The following NAALADL2 variants were observed in gnomAD, a reference collection of about 807,000 sequenced individuals.
The protein encoded by NAALADL2 is inactive N-acetylated-alpha-linked acidic dipeptidase-like protein 2.
Under a neutral mutation model 87.2 loss-of-function variants are expected in NAALADL2, and 76 were observed. The ratio of observed to expected loss-of-function variants is 0.87; its 90% CI spans 0.72 to 1.05. The LOEUF (loss-of-function observed/expected upper bound fraction) is 1.05. Among genes scored for constraint, NAALADL2 ranks in the 50% least tolerant of loss-of-function variants. The pLI, the probability that NAALADL2 is intolerant of heterozygous loss-of-function variation, is 0.00. For missense variants in NAALADL2, 1,089 were observed against 945.8 expected, an observed-to-expected ratio of 1.15 and a Z score of -1.99; for synonymous variants, 354 against 331.0, an observed-to-expected ratio of 1.07 and a Z score of -0.75.
chr3:175,200,725 G>A (rs547500445), intron 2 of NAALADL2, among the ~76,000 whole-genome samples: 2 of 152,150 alleles, frequency 1.3e-5, no homozygotes, highest in South Asian at 2.1e-4. Context: ...CATGAATTGG[G>A]CTTTAACATT....
At chr3:174,933,285 C>T (rs1247163539) in intron 1 of NAALADL2, among the ~76,000 whole-genome samples, 2 of 152,102 alleles carry the variant, frequency 1.3e-5, no homozygotes, top group African/African-American at 4.8e-5. Flanking sequence ...CTTTTCCTAC[C>T]ACAGTGTAGA....
chr3:175,309,580 A>T (rs565860716), intron 4 of NAALADL2, among the ~76,000 whole-genome samples: 1 of 152,098 alleles, frequency 6.6e-6, no homozygotes, highest in Non-Finnish European at 1.5e-5. Flanking sequence ...GAAGACCTTA[A>T]AGAAACTTTT....
rs1386942189 is a variant in NAALADL2 at position 175,245,421 on chromosome 3, G to A, written c.820-10990G>A. On this transcript the variant is annotated intron_variant, in intron 3 of 13. Coordinates refer to ENST00000454872, the MANE Select transcript of NAALADL2 (RefSeq NM_207015.3). Reference sequence around the variant, plus strand: ...TATGGAAATGAAATCCTGACAAAACGGTTTTGCTTTAGCCAAATTTCTATC... The same window carrying A: ...TATGGAAATGAAATCCTGACAAAACAGTTTTGCTTTAGCCAAATTTCTATC... 2.6e-5 allele frequency among the ~76,000 whole-genome samples: 4 copies of A among 152,106 alleles called. No homozygotes were observed. The East Asian group carries it at 7.7e-4, about 29-fold the overall frequency.
In NAALADL2 at chr3:174,918,199, T is replaced by C. The variant is rs1315255921; in HGVS notation, c.43+58749T>C. ...CACTTGTAATTGCATCTAATAATTT[T>C]ATAAGTTGAGTTTAGGGAGGTTATT... On this transcript the variant is annotated intron_variant, in intron 1 of 13. Transcript: ENST00000454872. 2.0e-5 allele frequency among the ~76,000 whole-genome samples: 3 copies of C among 152,204 alleles called. No individual in the cohort carries two copies. In the South Asian group the frequency reaches 6.2e-4, roughly 32 times the overall value.
At chr3:175,193,678 A>C (rs1227587881) in intron 2 of NAALADL2, among the ~76,000 whole-genome samples, 1 of 151,944 alleles carries the variant, frequency 6.6e-6, no homozygotes, top group Non-Finnish European at 1.5e-5. Flanking sequence ...AACAAAAAAC[A>C]AAAACAAAAC....
chr3:175,656,170 A>G (rs902333776), intron 11 of NAALADL2, among the ~76,000 whole-genome samples: 36 of 152,214 alleles, frequency 2.4e-4, no homozygotes, highest in Admixed American at 2.6e-4. Flanking sequence ...ATATTGGATA[A>G]CGAAATTTGT....
intron 13 of NAALADL2, among the ~76,000 whole-genome samples, chr3:175,767,210 A>G (rs1300235000): frequency 6.6e-6 from 1 of 151,206 alleles, no homozygotes; most frequent in East Asian, 1.9e-4. Context: ...TTTTTAACTG[A>G]TTAAAAAAAA....
chr3:174,736,102 T>C (rs1033007949), intron 2 of NAALADL2, among the ~76,000 whole-genome samples: 2 of 152,132 alleles, frequency 1.3e-5, no homozygotes, highest in Non-Finnish European at 1.5e-5. Context: ...AACATGGTGA[T>C]GCCTGGAAGC....
intron 1 of NAALADL2, among the ~76,000 whole-genome samples, chr3:175,001,610 T>C (rs1352366001): frequency 6.6e-6 from 1 of 152,064 alleles, no homozygotes; most frequent in Non-Finnish European, 1.5e-5. Flanking sequence ...ATCTGTTCAT[T>C]CCTTGTTTTT....
intron 5 of NAALADL2, among the ~76,000 whole-genome samples, chr3:175,366,272 G>C (rs892568208): frequency 6.6e-6 from 1 of 150,680 alleles, no homozygotes; most frequent in Admixed American, 6.6e-5. Flanking sequence ...TGGACATTTG[G>C]GTTGGTTCCA....
intron 1 of NAALADL2, among the ~76,000 whole-genome samples, chr3:175,023,444 T>G (rs193106878): frequency 6.6e-5 from 10 of 152,210 alleles, no homozygotes; most frequent in Admixed American, 6.6e-4. Context: ...ATATTATTTT[T>G]TCGATTGAGA....
At chr3:174,951,252 T>A (rs1461346486) in intron 1 of NAALADL2, among the ~76,000 whole-genome samples, 1 of 152,118 alleles carries the variant, frequency 6.6e-6, no homozygotes, top group Non-Finnish European at 1.5e-5. Context: ...TCATGAGTCA[T>A]GTTAAGTTGA....
At chr3:175,787,350 T>C (rs1752159732) in intron 13 of NAALADL2, among the ~76,000 whole-genome samples, 1 of 152,164 alleles carries the variant, frequency 6.6e-6, no homozygotes, top group South Asian at 2.1e-4. Context: ...ACTGCTGTGC[T>C]AGCAATCAGT....
chr3:174,730,324 T>C (rs1021090451), intron 2 of NAALADL2, among the ~76,000 whole-genome samples: 1 of 152,136 alleles, frequency 6.6e-6, no homozygotes, highest in African/African-American at 2.4e-5. Flanking sequence ...GTGGTTTAAA[T>C]TTGTGAATTT....
At chr3:174,506,981 C>A (rs1719244496) in intron 1 of NAALADL2, among the ~76,000 whole-genome samples, 1 of 151,736 alleles carries the variant, frequency 6.6e-6, no homozygotes, top group Non-Finnish European at 1.5e-5. Context: ...CCTAAATTGT[C>A]AATTTTAATT....
At chr3:174,494,632 A>G (rs561419223) in intron 1 of NAALADL2, among the ~76,000 whole-genome samples, 1,924 of 151,790 alleles carry the variant, frequency 0.013, 34 homozygotes, top group African/African-American at 0.045. Flanking sequence ...AAAAAAAAAA[A>G]AGAAGTAGGG....
intron 2 of NAALADL2, among the ~76,000 whole-genome samples, chr3:175,187,573 T>C (rs1737533565): frequency 6.6e-6 from 1 of 152,188 alleles, no homozygotes; most frequent in African/African-American, 2.4e-5. Context: ...AATGATTATT[T>C]TATTATGTAT....
intron 9 of NAALADL2, among the ~76,000 whole-genome samples, chr3:175,573,158 A>T (rs140497779): frequency 6.6e-6 from 1 of 152,214 alleles, no homozygotes; most frequent in African/African-American, 2.4e-5. Flanking sequence ...TTTTCTGTTG[A>T]GAAAAAAATT....
At chr3:175,362,688 G>A (rs1288208025) in intron 5 of NAALADL2, among the ~76,000 whole-genome samples, 1 of 148,016 alleles carries the variant, frequency 6.8e-6, no homozygotes, top group African/African-American at 2.5e-5. Flanking sequence ...TTTCCTATGG[G>A]TAGATACCCA....
Sources: gnomAD v4.1 joint callset for allele counts (sites outside exome capture counted in the v4.1 genomes callset) on GRCh38, gnomAD v4.1.1 for gene constraint, MANE v1.5 for transcripts, NCBI Gene and HGNC (gene_info 2026-07-23, HGNC 2026-07-21) for gene names.